Variants in ODAD2 observed in about 807,000 individuals in gnomAD.
ODAD2 encodes the protein outer dynein arm-docking complex subunit 2.
A neutral mutation model predicts 106.8 loss-of-function variants in ODAD2; 89 were observed. The ratio of observed to expected loss-of-function variants is 0.83; its 90% CI spans 0.70 to 0.99. The LOEUF (loss-of-function observed/expected upper bound fraction) is 0.99. Among genes scored for constraint, ODAD2 ranks in the 50% least tolerant of loss-of-function variants. ODAD2 has a pLI of 0.00. For synonymous variants in ODAD2, 404 were observed against 436.2 expected (o/e 0.93, Z 0.92); for missense variants, 1,168 against 1,238.5 (o/e 0.94, Z 0.85).
intron 16 of ODAD2, among the ~76,000 whole-genome samples, chr10:27,925,991 G>C (rs908315704): frequency 7.0e-6 from 1 of 143,180 alleles, no homozygotes; most frequent in Non-Finnish European, 1.5e-5. Flanking sequence ...GGGTGACAGA[G>C]TGAGACTCCA....
intron 10 of ODAD2, among the ~76,000 whole-genome samples, chr10:27,953,727 A>C (rs527247466): frequency 7.9e-5 from 12 of 152,366 alleles, no homozygotes; most frequent in African/African-American, 2.6e-4. Context: ...TTATATATGT[A>C]TATAAACAGA....
chr10:27,977,924 T>A (rs919468320), intron 7 of ODAD2, among the ~76,000 whole-genome samples: 7 of 152,210 alleles, frequency 4.6e-5, no homozygotes, highest in Non-Finnish European at 1.0e-4. Context: ...ATACATTGCC[T>A]ACATCAATGT....
intron 17 of ODAD2, among the ~76,000 whole-genome samples, chr10:27,873,792 G>T (rs1430528941): frequency 1.3e-5 from 2 of 152,096 alleles, no homozygotes; most frequent in Non-Finnish European, 2.9e-5. Flanking sequence ...GGTCAATTTT[G>T]GAATAAGTGT....
intron 19 of ODAD2, among the ~76,000 whole-genome samples, chr10:27,840,491 T>G (rs1211862480): frequency 6.6e-6 from 1 of 152,186 alleles, no homozygotes; most frequent in East Asian, 1.9e-4. Context: ...TTGTAAAGTA[T>G]CACATGCTTC....
chr10:27,929,133 A>C (rs535853800), intron 16 of ODAD2, among the ~76,000 whole-genome samples: 1 of 152,288 alleles, frequency 6.6e-6, no homozygotes, highest in South Asian at 2.1e-4. Context: ...AGAAAAATAC[A>C]AAGCATTAAC....
At chr10:27,922,165 A>AAAAG in intron 16 of ODAD2, among the ~76,000 whole-genome samples, 1 of 151,394 alleles carries the variant, frequency 6.6e-6, no homozygotes, top group Non-Finnish European at 1.5e-5. Context: ...AAAAAAAAAA[A>AAAAG]AAAGAAAGAA....
At chr10:27,885,794 A>ATATATATAAAATATATAT (rs1564466736) in intron 17 of ODAD2, among the ~76,000 whole-genome samples, 1 of 54,034 alleles carries the variant, frequency 1.9e-5, no homozygotes, top group African/African-American at 6.9e-5. Context: ...ATTATATATA[A>ATATATATAAAATATATAT]TATATATAAA....
chr10:27,922,178 C>CAAAAGAA (rs889054655), intron 16 of ODAD2, among the ~76,000 whole-genome samples: 2 of 143,462 alleles, frequency 1.4e-5, no homozygotes, highest in African/African-American at 5.1e-5. Flanking sequence ...AGAAAGAAAA[C>CAAAAGAA]AAAAGAAAAA....
chr10:27,859,637 G>A (rs952893090), intron 19 of ODAD2, among the ~76,000 whole-genome samples: 2 of 152,108 alleles, frequency 1.3e-5, no homozygotes, highest in African/African-American at 2.4e-5. Flanking sequence ...GTAATAAGCA[G>A]TAAAATTATA....
At chr10:27,909,643 T>A (rs556741517) in intron 16 of ODAD2, among the ~76,000 whole-genome samples, 27 of 151,832 alleles carry the variant, frequency 1.8e-4, no homozygotes, top group African/African-American at 5.8e-4. Flanking sequence ...TGTGGCTAAA[T>A]CCTGTCTCTA....
At position 27,827,470 on chromosome 10, in the gene ODAD2, C is replaced by T. The variant is rs1008609456; in HGVS notation, c.3022-14845G>A. ...TCAAAGCCATTGTGTCCCAAATGAG[C>T]TCTCATTTCCCCCCACAAGCAGATT... is the stretch of plus-strand genomic sequence containing the variant. On this transcript the variant is annotated intron_variant, in intron 19 of 19. Transcript: ENST00000305242. 6.0e-5 allele frequency among the ~76,000 whole-genome samples: 9 copies of T among 150,648 alleles called. 1 individual carries two copies. In the South Asian group the frequency reaches 1.9e-3, roughly 32 times the overall value.
chr10:27,950,368 G>C (rs552979821), intron 10 of ODAD2, among the ~76,000 whole-genome samples: 14 of 152,210 alleles, frequency 9.2e-5, no homozygotes, highest in African/African-American at 3.4e-4. Flanking sequence ...CTTTCCTTCT[G>C]TTTATTTGCA....
At position 27,812,533 on chromosome 10, in the gene ODAD2, T is replaced by G. The variant is rs1379144760; in HGVS notation, c.3114A>C (p.Thr1038=). ...AATTTCAAGTGTATCTTGCCTTCTC[T>G]GTAGCAAGAGCCAGCCTGCGGATAT... The part of the protein sequence containing the change: ...ISNIRRLALA[T]EKARYT The change falls in exon 20 of 20, where the codon ACA becomes ACC. Residue 1038 remains threonine (T), a synonymous_variant. Coordinates refer to ENST00000305242, the MANE Select transcript of ODAD2 (RefSeq NM_018076.5). The G allele has an allele frequency of 6.2e-7, 1 of 1,612,796 alleles. No individual in the cohort carries two copies. Among genetic ancestry groups the G allele is most frequent in the East Asian group, 2.2e-5 (1 of 44,864 alleles).
chr10:27,883,859 A>G (rs930782003), intron 17 of ODAD2, among the ~76,000 whole-genome samples: 1 of 152,154 alleles, frequency 6.6e-6, no homozygotes, highest in Non-Finnish European at 1.5e-5. Flanking sequence ...AGATGGGTCA[A>G]TTCAGATTAT....
chr10:27,986,116 C>T lies in ODAD2; in HGVS notation c.383-905G>A, dbSNP rs1446961978. On this transcript the variant is annotated intron_variant, in intron 3 of 19. Coordinates refer to ENST00000305242, the MANE Select transcript of ODAD2 (RefSeq NM_018076.5). ...CATGTGGTCATGGGATATGCCAAGG[C>T]CTTAAGGCTGAGAAAAGGACTTCAC... Among the ~76,000 whole-genome samples the T allele has an allele frequency of 1.1e-4, 17 of 152,154 alleles. No individual in the cohort carries two copies. In the East Asian group the frequency reaches 3.3e-3, roughly 29 times the overall value.
intron 19 of ODAD2, among the ~76,000 whole-genome samples, chr10:27,817,188 C>G (rs953009425): frequency 2.6e-5 from 4 of 152,170 alleles, no homozygotes; most frequent in African/African-American, 9.7e-5. Flanking sequence ...TAGCCACTCT[C>G]TTTGGTTATC....
At chr10:27,880,095 C>CT (rs1841599570) in intron 17 of ODAD2, among the ~76,000 whole-genome samples, 1 of 152,172 alleles carries the variant, frequency 6.6e-6, no homozygotes, top group African/African-American at 2.4e-5. Context: ...TCATGTTACT[C>CT]TATTTGTTCA....
intron 17 of ODAD2, among the ~76,000 whole-genome samples, chr10:27,890,282 G>A (rs1842474425): frequency 6.6e-6 from 1 of 152,150 alleles, no homozygotes; most frequent in Non-Finnish European, 1.5e-5. Context: ...ATTTTGACAT[G>A]GCACAGTTTC....
At chr10:27,975,614 C>G (rs1849141216) in intron 7 of ODAD2, among the ~76,000 whole-genome samples, 1 of 152,128 alleles carries the variant, frequency 6.6e-6, no homozygotes, top group Non-Finnish European at 1.5e-5. Context: ...ACTGTCATAG[C>G]TGTCAAATAA....
Sources: gnomAD v4.1 joint callset for allele counts (sites outside exome capture counted in the v4.1 genomes callset) on GRCh38, gnomAD v4.1.1 for gene constraint, MANE v1.5 for transcripts, NCBI Gene and HGNC (gene_info 2026-07-23, HGNC 2026-07-21) for gene names.